FBXO34: variants seen among roughly 807,000 people sequenced by gnomAD.
The protein encoded by FBXO34 is F-box only protein 34.
In FBXO34, 12 loss-of-function variants were observed where a neutral mutation model predicts 24.5. That is an observed-to-expected ratio of 0.49 (90% CI 0.31 to 0.79). FBXO34 has a LOEUF of 0.79. Ranked by LOEUF, FBXO34 falls within the 30% of genes least tolerant of loss-of-function variation. The pLI is 0.04. For missense variants in FBXO34, 823 were observed against 857.7 expected (o/e 0.96, Z 0.51); for synonymous variants, 320 against 311.9 (o/e 1.03, Z -0.27).
intron 1 of FBXO34, among the ~76,000 whole-genome samples, chr14:55,337,830 TA>T (rs889721711): frequency 6.6e-6 from 1 of 152,136 alleles, no homozygotes; most frequent in African/African-American, 2.4e-5. Context: ...ATACTCCACT[TA>T]CCACTTGAAG....
At chr14:55,439,082 C>A in the FBXO34 span, among the ~76,000 whole-genome samples, 1 of 151,800 alleles carries the variant, frequency 6.6e-6, no homozygotes, top group East Asian at 1.9e-4. Flanking sequence ...GGACTACAGG[C>A]TCCTGCCACC....
the FBXO34 span, among the ~76,000 whole-genome samples, chr14:55,439,308 C>G: frequency 6.8e-6 from 1 of 147,706 alleles, no homozygotes; most frequent in Non-Finnish European, 1.5e-5. Context: ...ACAGGTGTTT[C>G]TAGTTGACAT....
chr14:55,319,518 G>A (rs1191934427), intron 1 of FBXO34, among the ~76,000 whole-genome samples: 1 of 152,162 alleles, frequency 6.6e-6, no homozygotes, highest in Non-Finnish European at 1.5e-5. Flanking sequence ...GACTCTGTAT[G>A]GGTTAATGGC....
intron 1 of FBXO34, among the ~76,000 whole-genome samples, chr14:55,290,987 T>G (rs530449180): frequency 5.4e-5 from 8 of 148,052 alleles, no homozygotes; most frequent in African/African-American, 1.5e-4. Context: ...GCCCACCTAG[T>G]TTTTTTTTTG....
At chr14:55,436,792 T>C in the FBXO34 span, 1 of 1,614,226 alleles carries the variant, frequency 6.2e-7, no homozygotes, top group Non-Finnish European at 8.5e-7. Context: ...ACTTTGGCTT[T>C]CAGAATTTTC....
At chr14:55,380,818 G>T in the FBXO34 span, 1 of 367,518 alleles carries the variant, frequency 2.7e-6, no homozygotes, top group African/African-American at 2.3e-5. Flanking sequence ...CTTAATAGAT[G>T]CTCCATGACC....
the FBXO34 span, among the ~76,000 whole-genome samples, chr14:55,393,118 A>C: frequency 6.6e-6 from 1 of 152,204 alleles, no homozygotes; most frequent in Non-Finnish European, 1.5e-5. Context: ...GCGGTGGCTC[A>C]CGCCTGTAAT....
At chr14:55,413,938 TCTACAATATCAC>T in the FBXO34 span, 17 of 487,532 alleles carry the variant, frequency 3.5e-5, no homozygotes, top group Non-Finnish European at 6.0e-5. Flanking sequence ...TCCCTTGATG[TCTACAATATCAC>T]CTTTTTCGTA....
chr14:55,412,231 G>A, the FBXO34 span, among the ~76,000 whole-genome samples: 1 of 152,184 alleles, frequency 6.6e-6, no homozygotes, highest in Non-Finnish European at 1.5e-5. Flanking sequence ...GGGTGAAGGG[G>A]CTGGGTCTTG....
the FBXO34 span, among the ~76,000 whole-genome samples, chr14:55,421,103 G>A: frequency 6.6e-6 from 1 of 151,714 alleles, no homozygotes; most frequent in African/African-American, 2.4e-5. Flanking sequence ...GGGGTAGGTG[G>A]GAAAGCTGAT....
chr14:55,307,166 A>T (rs1404008796), intron 1 of FBXO34, among the ~76,000 whole-genome samples: 1 of 152,238 alleles, frequency 6.6e-6, no homozygotes, highest in Non-Finnish European at 1.5e-5. Context: ...AGTTATGGCT[A>T]CAAATAAAAG....
At chr14:55,279,616 A>G (rs1189629670) in intron 1 of FBXO34, among the ~76,000 whole-genome samples, 1 of 152,250 alleles carries the variant, frequency 6.6e-6, no homozygotes, top group African/African-American at 2.4e-5. Flanking sequence ...AACCACTGCT[A>G]GAAGAGTTTC....
chr14:55,393,648 G>C, the FBXO34 span, among the ~76,000 whole-genome samples: 1 of 151,238 alleles, frequency 6.6e-6, no homozygotes, highest in African/African-American at 2.4e-5. Context: ...TGGCTCAAGT[G>C]ATCCTCCCAC....
chr14:55,291,013 CAG>C lies in FBXO34; in HGVS notation c.-11+19477_-11+19478del, dbSNP rs376766838. Among the ~76,000 whole-genome samples, 818 of 151,720 alleles carry C rather than the reference CAG, an allele frequency of 5.4e-3. 8 individuals carry two copies. Among genetic ancestry groups the C allele is most frequent in the African/African-American group, 0.019 (774 of 41,344 alleles). ...TTTTTTTTTGTATTTTTAGTAGAGA[CAG>C]GGGGTTTCACCATGTTGGCCATGCT... On this transcript the variant is annotated intron_variant, in intron 1 of 1. Transcript: ENST00000313833.
chr14:55,328,651 T>G (rs2094834688), intron 1 of FBXO34, among the ~76,000 whole-genome samples: 1 of 152,208 alleles, frequency 6.6e-6, no homozygotes, highest in Non-Finnish European at 1.5e-5. Context: ...AAACCATGGA[T>G]AAGGATAAAC....
intron 1 of FBXO34, among the ~76,000 whole-genome samples, chr14:55,341,968 CT>C (rs1884008469): frequency 6.6e-6 from 1 of 152,180 alleles, no homozygotes; most frequent in Admixed American, 6.5e-5. Flanking sequence ...CAAAAGTGGG[CT>C]GGGGAACTGT....
the FBXO34 span, among the ~76,000 whole-genome samples, chr14:55,400,156 C>T: frequency 6.6e-6 from 1 of 152,252 alleles, no homozygotes; most frequent in Admixed American, 6.5e-5. Context: ...CAACTGCTCA[C>T]TCAGTCACTC....
At chr14:55,335,151 C>T (rs1883732180) in intron 1 of FBXO34, among the ~76,000 whole-genome samples, 2 of 152,134 alleles carry the variant, frequency 1.3e-5, no homozygotes, top group African/African-American at 4.8e-5. Context: ...AGTTCCTTAG[C>T]ATTATTTCCT....
downstream of FBXO34, among the ~76,000 whole-genome samples, chr14:55,363,486 C>T (rs1241329589): frequency 6.6e-6 from 1 of 151,652 alleles, no homozygotes; most frequent in African/African-American, 2.4e-5. Flanking sequence ...CACCACCACA[C>T]CCGACTAATT....
Sources: allele counts gnomAD v4.1 joint callset (sites outside exome capture counted in the v4.1 genomes callset), GRCh38; gene constraint gnomAD v4.1.1; transcripts MANE v1.5; gene names NCBI Gene and HGNC (gene_info 2026-07-23, HGNC 2026-07-21).